Variants in OXTR observed in about 807,000 individuals in gnomAD.
OXTR encodes the protein oxytocin receptor.
A neutral mutation model predicts 23.9 loss-of-function variants in OXTR; 19 were observed. The ratio of observed to expected loss-of-function variants is 0.80; its 90% CI spans 0.56 to 1.17. The LOEUF (loss-of-function observed/expected upper bound fraction) is 1.17, where lower values mean the gene tolerates loss of function less well. Ranked by LOEUF, OXTR falls within the 50% of genes most tolerant of loss-of-function variation. OXTR has a pLI of 0.00. For missense variants in OXTR, 500 were observed against 550.7 expected, an observed-to-expected ratio of 0.91 and a Z score of 0.92; for synonymous variants, 278 against 250.5, an observed-to-expected ratio of 1.11 and a Z score of -1.04.
At position 8,767,303 on chromosome 3, in the gene OXTR, C is replaced by A. The variant is rs760799201; in HGVS notation, c.885G>T (p.Gln295His). ...CGTTGGCATCCCAGACGCTCCACAT[C>A]TGCACGAAGAAGAAAGGCGTCCAGC... Reference protein sequence around the residue: ...IVCWTPFFFVQMWSVWDANAP... With the variant: ...IVCWTPFFFVHMWSVWDANAP... Residue 295 changes from glutamine (Q) to histidine (H), a missense_variant, in exon 3 of 4, where the codon CAG becomes CAT. Gln to His is a conservative substitution (Grantham distance 24, BLOSUM62 0). Transcript: ENST00000316793. 3 of 1,591,508 alleles carry A rather than the reference C, an allele frequency of 1.9e-6. No homozygotes were observed. Among genetic ancestry groups the A allele is most frequent in the East Asian group, 2.3e-5 (1 of 44,444 alleles).
Position 8,751,643 on chromosome 3 carries a change from C to T in OXTR, c.*1334G>A, listed in dbSNP as rs1298045210. The T allele has an allele frequency of 1.3e-5, 2 of 152,024 alleles. No individual in the cohort carries two copies. The highest frequency in any genetic ancestry group is 2.1e-4 in the South Asian group (1 of 4,802). The allele number at this position is 152,024 out of a possible 1,614,324, so 9.4% of individuals were successfully genotyped here. ...CCATTTGTTGAAAAGACTCTCCTTTCTCTATTGAATTGTCTTGGGAACCTT... is the reference window on the plus strand; with the variant it reads ...CCATTTGTTGAAAAGACTCTCCTTTTTCTATTGAATTGTCTTGGGAACCTT... On this transcript the variant is annotated 3_prime_UTR_variant, in exon 4 of 4. Transcript: ENST00000316793.
chr3:8,745,560 G>A, downstream of OXTR: 1 of 1,614,150 alleles, frequency 6.2e-7, no homozygotes. The surrounding 1 kb of genome is among the most constrained non-coding windows in gnomAD (Gnocchi z 4.8). Flanking sequence ...GAGCCTGTGG[G>A]CACCTACAGC....
intron 3 of OXTR, among the ~76,000 whole-genome samples, chr3:8,755,433 C>A (rs1231513033): frequency 6.6e-6 from 1 of 152,274 alleles, no homozygotes; most frequent in Admixed American, 6.5e-5. Context: ...ACAATCTTAT[C>A]TGTTCATTTA....
Position 8,768,178 on chromosome 3 carries a change from C to A in OXTR, c.10G>T (p.Ala4Ser), listed in dbSNP as rs1708682047. 7.6e-7 allele frequency: 1 copy of A among 1,323,348 alleles called. No homozygotes were observed. The highest frequency in any genetic ancestry group is 9.6e-7 in the Non-Finnish European group (1 of 1,045,584). The allele number at this position is 1,323,348 out of a possible 1,614,324, so 82.0% of individuals were successfully genotyped here. A position where few individuals can be genotyped will look rare whatever the true frequency, so the allele number is the denominator to read the frequency against. The change falls in exon 3 of 4, where the codon GCG becomes TCG. Residue 4 changes from alanine (A) to serine (S), a missense_variant. Transcript: ENST00000316793. The surrounding 1 kb of genome is among the most constrained non-coding windows in gnomAD (Gnocchi z 5.4). ...TCGGCGCTCCAGTTGGCTGCGAGCG[C>A]GCCCTCCATGACCCTGGCGGCAGCG... is the stretch of plus-strand genomic sequence containing the variant. MEG[A>S]LAANWSAEAA...
At chr3:8,759,840 C>T (rs933950127) in intron 3 of OXTR, among the ~76,000 whole-genome samples, 4 of 152,186 alleles carry the variant, frequency 2.6e-5, no homozygotes, top group African/African-American at 9.7e-5. Flanking sequence ...GTGCAGGAAT[C>T]AGGAGTAAGG....
the OXTR span, among the ~76,000 whole-genome samples, chr3:8,741,538 T>C: frequency 1.1e-3 from 171 of 151,660 alleles, no homozygotes; most frequent in African/African-American, 3.5e-3. Flanking sequence ...CTGTGTAGAG[T>C]TGAAAAAAGA....
intron 3 of OXTR, among the ~76,000 whole-genome samples, chr3:8,754,268 T>A (rs986741377): frequency 3.9e-5 from 6 of 152,080 alleles, no homozygotes; most frequent in Non-Finnish European, 7.4e-5. Context: ...AAGAAAAAAA[T>A]CCTAATTCTA....
chr3:8,752,890 C>T lies in OXTR; in HGVS notation c.*87G>A. ...GATACAAACTGATAGGTACCTTATA[C>T]ACAAACATACGCCATCACCTAGGAG... On this transcript the variant is annotated 3_prime_UTR_variant, in exon 4 of 4. Coordinates refer to ENST00000316793, the MANE Select transcript of OXTR (RefSeq NM_000916.4). The T allele has an allele frequency of 1.4e-6, 2 of 1,396,886 alleles. No homozygotes were observed. Among genetic ancestry groups the T allele is most frequent in the South Asian group, 2.9e-5 (2 of 69,584 alleles). The allele number at this position is 1,396,886 out of a possible 1,614,324, so 86.5% of individuals were successfully genotyped here. A position where few individuals can be genotyped will look rare whatever the true frequency, so the allele number is the denominator to read the frequency against.
At chr3:8,755,533 A>G (rs772994464) in intron 3 of OXTR, among the ~76,000 whole-genome samples, 56 of 152,236 alleles carry the variant, frequency 3.7e-4, no homozygotes, top group Non-Finnish European at 7.3e-4. Context: ...AACAAAGAAG[A>G]AAATAGTTAA....
chr3:8,757,291 T>C (rs1289810730), intron 3 of OXTR, among the ~76,000 whole-genome samples: 1 of 149,084 alleles, frequency 6.7e-6, no homozygotes, highest in East Asian at 1.9e-4. Flanking sequence ...TTAGTATTAA[T>C]ATTAGTATTA....
the OXTR span, chr3:8,742,427 G>C: frequency 1.9e-5 from 8 of 422,584 alleles, no homozygotes; most frequent in Non-Finnish European, 3.8e-5. Context: ...AGCCATTGGC[G>C]GTAGGATTAT....
intron 3 of OXTR, among the ~76,000 whole-genome samples, chr3:8,763,158 T>C (rs1708526278): frequency 1.3e-5 from 2 of 152,082 alleles, no homozygotes. Flanking sequence ...AACAAGCTTC[T>C]CTCCCACCTC....
At chr3:8,762,899 C>G (rs1303193073) in intron 3 of OXTR, among the ~76,000 whole-genome samples, 2 of 152,204 alleles carry the variant, frequency 1.3e-5, no homozygotes, top group African/African-American at 2.4e-5. Context: ...CCTCCTGAGT[C>G]CAGCTCTTCA....
Position 8,767,630 on chromosome 3 carries a change from G to A in OXTR, c.558C>T (p.Asp186=). Reference sequence around the variant, plus strand: ...AGGGCTGGATGAAGACGGCCCAGCAGTCGAAGACGCCGTCAGCCACCTCGC... The same window carrying A: ...AGGGCTGGATGAAGACGGCCCAGCAATCGAAGACGCCGTCAGCCACCTCGC... ...SLREVADGVF[D]CWAVFIQPWG... Residue 186 remains aspartate (D), a synonymous_variant, in exon 3 of 4, where the codon GAC becomes GAT. Coordinates refer to ENST00000316793, the MANE Select transcript of OXTR (RefSeq NM_000916.4). 1 of 1,613,130 alleles carries A rather than the reference G, an allele frequency of 6.2e-7. No homozygotes were observed. Among genetic ancestry groups the A allele is most frequent in the East Asian group, 2.2e-5 (1 of 44,828 alleles).
chr3:8,761,845 C>T (rs1708493807), intron 3 of OXTR, among the ~76,000 whole-genome samples: 1 of 152,204 alleles, frequency 6.6e-6, no homozygotes, highest in African/African-American at 2.4e-5. Context: ...ATGGGAATGG[C>T]AGAGGTCCAG....
the OXTR span, among the ~76,000 whole-genome samples, chr3:8,744,526 T>C: frequency 6.9e-6 from 1 of 145,934 alleles, no homozygotes. Context: ...CAGCCTCCCA[T>C]CCTTTCATCC....
intron 3 of OXTR, among the ~76,000 whole-genome samples, chr3:8,764,009 C>T (rs1708550253): frequency 6.6e-6 from 1 of 152,130 alleles, no homozygotes; most frequent in South Asian, 2.1e-4. Flanking sequence ...CTGCACATTA[C>T]TTTTGGAACA....
In OXTR at chr3:8,752,986, G is replaced by C. The variant is rs749240347; in HGVS notation, c.1161C>G (p.Ser387=). ...GGCCCTGGCTGGTGGGTCACGCCGT[G>C]GATGGCTGGGAGCAGCTCCTCTGGC... ...SSSQRSCSQP[S]TA is the part of the protein sequence containing the mutation. The change falls in exon 4 of 4, where the codon TCC becomes TCG. Residue 387 remains serine (S), a synonymous_variant. Transcript: ENST00000316793. 36 of 1,610,710 alleles carry C rather than the reference G, an allele frequency of 2.2e-5. No individual in the cohort carries two copies. The highest frequency in any genetic ancestry group is 2.9e-5 in the Non-Finnish European group (34 of 1,177,600).
chr3:8,758,600 A>ACACT (rs1299211451), intron 3 of OXTR, among the ~76,000 whole-genome samples: 1 of 152,208 alleles, frequency 6.6e-6, no homozygotes, highest in Admixed American at 6.5e-5. Flanking sequence ...GTCTCAATAT[A>ACACT]CACTACAGGG....
Sources: gnomAD v4.1 joint callset for allele counts (sites outside exome capture counted in the v4.1 genomes callset) on GRCh38, gnomAD v4.1.1 for gene constraint, Gnocchi (gnomAD v3.1) non-coding constraint, MANE v1.5 for transcripts, NCBI Gene and HGNC (gene_info 2026-07-23, HGNC 2026-07-21) for gene names.